Variants in ATP1B4 observed in about 807,000 individuals in gnomAD.
The protein encoded by ATP1B4 is ATPase Na+/K+ transporting family member beta 4, also known as protein ATP1B4.
In ATP1B4, 32 loss-of-function variants were observed where a neutral mutation model predicts 29.6. The observed-to-expected ratio is 1.08, with a 90% CI of 0.82 to 1.45. ATP1B4 has a LOEUF of 1.45. Among genes scored for constraint, ATP1B4 ranks in the 40% most tolerant of loss-of-function variants. The pLI is 0.00. For synonymous variants in ATP1B4, 127 were observed against 102.1 expected, an observed-to-expected ratio of 1.24 and a Z score of -1.47; for missense variants, 323 against 276.2, an observed-to-expected ratio of 1.17 and a Z score of -1.20.
chrX:120,376,517 C>A, intron 6 of ATP1B4, 81 bp downstream of exon 6: 1 of 859,394 alleles, frequency 1.2e-6, no homozygotes, highest in Non-Finnish European at 1.7e-6. Flanking sequence ...AGGACTTACA[C>A]ATGGATGGTA....
chrX:120,364,279 T>A (rs1263576629), intron 1 of ATP1B4, among the ~76,000 whole-genome samples: 3 of 111,984 alleles, frequency 2.7e-5, no homozygotes, highest in African/African-American at 9.8e-5. Flanking sequence ...TTCTCCTCAA[T>A]GAAATGTTAT....
At chrX:120,371,038 T>C (rs2058310425) in intron 3 of ATP1B4, 68 bp from the exon 4 acceptor site, 13 of 1,067,423 alleles carry the variant, frequency 1.2e-5, no homozygotes, top group Non-Finnish European at 1.7e-5. Flanking sequence ...AATGGTTTCA[T>C]GGGAATCAAT....
intron 6 of ATP1B4, among the ~76,000 whole-genome samples, chrX:120,378,207 C>A (rs767549856): frequency 1.8e-5 from 2 of 111,781 alleles, no homozygotes; most frequent in South Asian, 7.6e-4. Context: ...TAGAACCGAG[C>A]CTGCAGTGTG....
rs773518752 is a variant in ATP1B4 at position 120,379,476 on chromosome X, A to G, written c.916A>G (p.Asn306Asp). Residue 306 changes from asparagine to aspartate, a missense_variant, in exon 8 of 8, where the codon AAC (asparagine) becomes GAC (aspartate). Asn to Asp is a conservative substitution (Grantham distance 23, BLOSUM62 1). Coordinates refer to ENST00000218008, the MANE Select transcript of ATP1B4 (RefSeq NM_001142447.3). Reference protein sequence around the residue: ...YPYYGKLTHVNYTSPLVAMHF... With the variant: ...YPYYGKLTHVDYTSPLVAMHF... Reference sequence around the variant, plus strand: ...TTCATTTTTCTTCTACCTGCAGGTTAACTACACATCCCCCTTGGTGGCAAT... The same window carrying G: ...TTCATTTTTCTTCTACCTGCAGGTTGACTACACATCCCCCTTGGTGGCAAT... 3 of 1,203,599 alleles carry G rather than the reference A, an allele frequency of 2.5e-6. No individual in the cohort carries two copies.
intron 4 of ATP1B4, among the ~76,000 whole-genome samples, 160 bp downstream of exon 4, chrX:120,371,370 T>A (rs1183072801): frequency 8.9e-6 from 1 of 111,834 alleles, no homozygotes; most frequent in Non-Finnish European, 1.9e-5. Context: ...GTAGCTACAA[T>A]CAGAATTGCT....
chrX:120,378,470 A>G (rs1304689482), intron 6 of ATP1B4, among the ~76,000 whole-genome samples: 1 of 111,389 alleles, frequency 9.0e-6, no homozygotes, highest in Non-Finnish European at 1.9e-5. Flanking sequence ...TATTCTTTGA[A>G]CTGAAAAGAC....
intron 2 of ATP1B4, among the ~76,000 whole-genome samples, chrX:120,369,788 T>C (rs761914706): frequency 8.9e-6 from 1 of 111,994 alleles, no homozygotes; most frequent in Non-Finnish European, 1.9e-5. Context: ...GTGCAATTAG[T>C]ATTTGCCAGG....
chrX:120,362,195 G>A lies in ATP1B4; in HGVS notation c.27G>A (p.Arg9=). 1 of 1,211,382 alleles carries A rather than the reference G, an allele frequency of 8.3e-7. No individual in the cohort carries two copies. ...TGAGAAGGCAACTCCGGTCCAGAAG[G>A]GCTCCATCCTTTCCTTACAGTTATC... MRRQLRSR[R]APSFPYSYRY... The change falls in exon 1 of 8, where the codon AGG becomes AGA. Residue 9 remains arginine (R), a synonymous_variant. Coordinates refer to ENST00000218008, the MANE Select transcript of ATP1B4 (RefSeq NM_001142447.3).
intron 5 of ATP1B4, among the ~76,000 whole-genome samples, chrX:120,376,071 A>G (rs1185754721): frequency 9.0e-6 from 1 of 111,681 alleles, no homozygotes; most frequent in Admixed American, 9.6e-5. Context: ...GTCATGACTT[A>G]GGTGTGGCAG....
rs1323386879 is a variant in ATP1B4 at position 120,381,747 on chromosome X, G to C, written c.*2113G>C. The C allele has an allele frequency of 2.7e-5, 3 of 112,382 alleles. No homozygotes were observed. Among genetic ancestry groups the C allele is most frequent in the African/African-American group, 6.5e-5 (2 of 30,852 alleles). 9.3% of individuals were successfully genotyped at this position (112,382 alleles called of 1,213,427 possible). On this transcript the variant is annotated 3_prime_UTR_variant, in exon 8 of 8. Coordinates refer to ENST00000218008, the MANE Select transcript of ATP1B4 (RefSeq NM_001142447.3). ...ATTACAGGCGTGAGCCACCGCACCC[G>C]GCTTGCAATTTAGAAAGGGCACTTG...
At chrX:120,370,498 C>T (rs1183691051) in intron 2 of ATP1B4, among the ~76,000 whole-genome samples, 1 of 112,143 alleles carries the variant, frequency 8.9e-6, no homozygotes, top group Admixed American at 9.5e-5. Context: ...CAAGCCCTTC[C>T]ATCGGAGATG....
In ATP1B4 at chrX:120,370,120, A is replaced by G. The variant is rs972517514; in HGVS notation, c.329-595A>G. Among the ~76,000 whole-genome samples the G allele has an allele frequency of 2.7e-5, 3 of 111,114 alleles. No individual in the cohort carries two copies. In the South Asian group the frequency reaches 1.1e-3, roughly 42 times the overall value. ...ACTGTCTCCTCCTTTTCCCTTCCCCACCCTGTGTTAGTGTTCTTTTTGAAA... is the reference window on the plus strand; with the variant it reads ...ACTGTCTCCTCCTTTTCCCTTCCCCGCCCTGTGTTAGTGTTCTTTTTGAAA... On this transcript the variant is annotated intron_variant, in intron 2 of 7. Coordinates refer to ENST00000218008, the MANE Select transcript of ATP1B4 (RefSeq NM_001142447.3).
intron 1 of ATP1B4, 135 bp downstream of exon 1, chrX:120,362,366 C>T: frequency 3.5e-6 from 2 of 579,320 alleles, no homozygotes; most frequent in Non-Finnish European, 5.6e-6. Context: ...TTAGGGGAGC[C>T]CAGGGTTTCA....
rs370285447 is a variant in ATP1B4 at position 120,375,516 on chromosome X, C to A, written c.707C>A (p.Pro236Gln). ...AAGAACTGCTCTGGTCTGGAGGACC[C>A]AACTTTTGGATACTCTACTGGACAG... ...FLKNCSGLEDPTFGYSTGQPC... is the reference protein window; with the variant it reads ...FLKNCSGLEDQTFGYSTGQPC... The change falls in exon 5 of 8, where the codon CCA (proline) becomes CAA (glutamine). Residue 236 changes from proline to glutamine, a missense_variant. Physicochemically the swap from Pro to Gln is moderately conservative, Grantham distance 76. Coordinates refer to ENST00000218008, the MANE Select transcript of ATP1B4 (RefSeq NM_001142447.3). 9.1e-6 allele frequency: 11 copies of A among 1,208,506 alleles called. No individual in the cohort carries two copies. The highest frequency in any genetic ancestry group is 1.8e-5 in the African/African-American group (1 of 56,767).
intron 4 of ATP1B4, among the ~76,000 whole-genome samples, chrX:120,373,406 C>A (rs2058323753): frequency 8.9e-6 from 1 of 112,229 alleles, no homozygotes; most frequent in Admixed American, 9.4e-5. Flanking sequence ...TAATATCAAA[C>A]CCAAGTCACA....
At chrX:120,376,489 G>A (rs1477966424) in intron 6 of ATP1B4, 53 bp downstream of exon 6, 2 of 1,085,071 alleles carry the variant, frequency 1.8e-6, no homozygotes, top group Non-Finnish European at 2.5e-6. Flanking sequence ...CATGCAAAAA[G>A]GTAGTCCATC....
chrX:120,377,290 G>A (rs2058360979), intron 6 of ATP1B4, among the ~76,000 whole-genome samples: 1 of 112,433 alleles, frequency 8.9e-6, no homozygotes, highest in African/African-American at 3.2e-5. Flanking sequence ...TGTTAGAAGT[G>A]TCGAGGTAAG....
intron 5 of ATP1B4, 129 bp downstream of exon 5, chrX:120,375,697 A>C: frequency 1.9e-6 from 1 of 517,910 alleles, no homozygotes; most frequent in Non-Finnish European, 3.1e-6. Flanking sequence ...CAGTATCATA[A>C]ATACAAATAA....
At position 120,375,433 on chromosome X, in the gene ATP1B4, C is replaced by A. The variant is rs369964949; in HGVS notation, c.624C>A (p.Ile208=). Residue 208 remains isoleucine, a synonymous_variant, in exon 5 of 8, where the codon ATC becomes ATA. Transcript: ENST00000218008. The part of the protein sequence containing the change: ...NVDCPPGQYF[I]QDGNEDEDKK... ...ATTGTCCCCCGGGGCAGTACTTCAT[C>A]CAAGATGGCAATGAGGATGAGGACA... The A allele has an allele frequency of 1.1e-5, 13 of 1,210,854 alleles. No homozygotes were observed. The highest frequency in any genetic ancestry group is 1.7e-5 in the African/African-American group (1 of 57,719).
Sources: gnomAD v4.1 joint callset for allele counts (sites outside exome capture counted in the v4.1 genomes callset) on GRCh38, gnomAD v4.1.1 for gene constraint, MANE v1.5 for transcripts, NCBI Gene and HGNC (gene_info 2026-07-23, HGNC 2026-07-21) for gene names.